The following TNNI3K variants were observed in gnomAD, a reference collection of about 807,000 sequenced individuals.
TNNI3K encodes serine/threonine-protein kinase TNNI3K.
A neutral mutation model predicts 114.5 loss-of-function variants in TNNI3K; 140 were observed. That is an observed-to-expected ratio of 1.22 (90% CI 1.07 to 1.41). The LOEUF (loss-of-function observed/expected upper bound fraction) is 1.41. TNNI3K is among the 40% of genes most tolerant of loss of function. The probability of loss-of-function intolerance (pLI) is 0.00; values close to 1 mark genes in which losing one functional copy is unlikely to be tolerated. For missense variants in TNNI3K, 1,125 were observed against 1,007.6 expected, an observed-to-expected ratio of 1.12 and a Z score of -1.58; for synonymous variants, 347 against 347.5, an observed-to-expected ratio of 1.00 and a Z score of 0.02.
chr1:74,287,340 G>T (rs1235728004), intron 5 of TNNI3K, among the ~76,000 whole-genome samples: 1 of 151,974 alleles, frequency 6.6e-6, no homozygotes, highest in East Asian at 1.9e-4. Context: ...GTTTGGAAAG[G>T]GAAATGAATA....
Position 74,353,083 on chromosome 1 carries a change from G to A in TNNI3K, c.933-183G>A, listed in dbSNP as rs1363002495. On this transcript the variant is annotated intron_variant, in intron 9 of 24. Transcript: ENST00000326637. ...TGTAGACTGGAGCTGTTCCTATTCG[G>A]CCATCTTGGCTCCACCCCTCTTAAG... is the stretch of plus-strand genomic sequence containing the variant. 3.3e-5 allele frequency among the ~76,000 whole-genome samples: 5 copies of A among 152,040 alleles called. No homozygotes were observed. The South Asian group carries it at 6.2e-4, about 19-fold the overall frequency.
At chr1:74,358,094 G>A (rs1661758015) in intron 11 of TNNI3K, among the ~76,000 whole-genome samples, 1 of 152,082 alleles carries the variant, frequency 6.6e-6, no homozygotes, top group Non-Finnish European at 1.5e-5. Context: ...GATTTGAAAA[G>A]GCTGCCTTTG....
intron 17 of TNNI3K, among the ~76,000 whole-genome samples, chr1:74,407,633 C>T (rs910276949): frequency 6.6e-6 from 1 of 152,052 alleles, no homozygotes; most frequent in African/African-American, 2.4e-5. Flanking sequence ...TTATATATTT[C>T]CTTCATTTTG....
At chr1:74,279,639 T>C (rs1656884733) in intron 5 of TNNI3K, among the ~76,000 whole-genome samples, 1 of 152,034 alleles carries the variant, frequency 6.6e-6, no homozygotes. Context: ...TTTCATTTGT[T>C]TTGCTTTACA....
chr1:74,444,455 C>T (rs746563636), intron 20 of TNNI3K, among the ~76,000 whole-genome samples: 23 of 151,562 alleles, frequency 1.5e-4, no homozygotes, highest in Admixed American at 9.2e-4. Context: ...GAAAAAAAAA[C>T]CTAGGAATAC....
chr1:74,304,712 T>A (rs1658522048), intron 5 of TNNI3K, among the ~76,000 whole-genome samples: 1 of 152,186 alleles, frequency 6.6e-6, no homozygotes, highest in Non-Finnish European at 1.5e-5. Flanking sequence ...CCCAAAATGC[T>A]GGGATCACAT....
chr1:74,379,496 AGTT>A (rs1191202397), intron 17 of TNNI3K, among the ~76,000 whole-genome samples: 3 of 152,090 alleles, frequency 2.0e-5, no homozygotes, highest in Non-Finnish European at 4.4e-5. Context: ...AGCTGCACTC[AGTT>A]GTTGGTGTCC....
intron 4 of TNNI3K, among the ~76,000 whole-genome samples, chr1:74,254,394 A>G (rs1226755906): frequency 6.6e-6 from 1 of 152,238 alleles, no homozygotes; most frequent in Non-Finnish European, 1.5e-5. Flanking sequence ...TTTCTTGTCC[A>G]GGATAGGATT....
chr1:74,448,256 A>G (rs1666796009), intron 20 of TNNI3K, among the ~76,000 whole-genome samples: 1 of 105,210 alleles, frequency 9.5e-6, no homozygotes, highest in Admixed American at 8.7e-5. Context: ...AACTTAGAGT[A>G]TAATAAAAAA....
chr1:74,353,047 A>C (rs572544814), intron 9 of TNNI3K, among the ~76,000 whole-genome samples: 5 of 152,150 alleles, frequency 3.3e-5, no homozygotes, highest in Non-Finnish European at 7.4e-5. Context: ...TGCATTGCTC[A>C]TGCTGGGAGC....
chr1:74,268,009 A>ATTT (rs1341765690), intron 4 of TNNI3K, among the ~76,000 whole-genome samples: 13 of 151,972 alleles, frequency 8.6e-5, no homozygotes, highest in Non-Finnish European at 1.8e-4. Context: ...TTGTCATAAA[A>ATTT]TAGACATTCA....
intron 21 of TNNI3K, among the ~76,000 whole-genome samples, chr1:74,486,201 A>AGAGAG (rs1668751420): frequency 7.3e-6 from 1 of 136,412 alleles, no homozygotes; most frequent in East Asian, 2.3e-4. Flanking sequence ...AAATGCTATA[A>AGAGAG]AGAGAGAGAG....
At chr1:74,387,452 A>T (rs1037031007) in intron 17 of TNNI3K, among the ~76,000 whole-genome samples, 2 of 152,238 alleles carry the variant, frequency 1.3e-5, no homozygotes, top group Admixed American at 6.5e-5. Context: ...TGCTTTGAAG[A>T]TTAAGCTTCA....
chr1:74,409,093 C>A (rs1664758402), intron 17 of TNNI3K, among the ~76,000 whole-genome samples: 1 of 151,924 alleles, frequency 6.6e-6, no homozygotes, highest in Non-Finnish European at 1.5e-5. Context: ...AAATACTTTT[C>A]TATTCATTAT....
chr1:74,498,850 T>C (rs1669466457), intron 23 of TNNI3K, among the ~76,000 whole-genome samples: 1 of 152,092 alleles, frequency 6.6e-6, no homozygotes, highest in African/African-American at 2.4e-5. Flanking sequence ...CCTGTGTGTT[T>C]TTTAAAAAAA....
intron 4 of TNNI3K, among the ~76,000 whole-genome samples, chr1:74,252,940 C>G (rs1325929516): frequency 6.6e-6 from 1 of 152,190 alleles, no homozygotes; most frequent in Non-Finnish European, 1.5e-5. Context: ...ATTCTCTTAT[C>G]TGGCCCCCAC....
chr1:74,351,640 A>G (rs1185308150), intron 9 of TNNI3K, among the ~76,000 whole-genome samples: 9 of 152,072 alleles, frequency 5.9e-5, no homozygotes, highest in African/African-American at 1.7e-4. Flanking sequence ...ACATAGTCCC[A>G]TATTTCTTGG....
chr1:74,334,425 C>T (rs996476249), intron 6 of TNNI3K, among the ~76,000 whole-genome samples: 12 of 152,094 alleles, frequency 7.9e-5, no homozygotes, highest in South Asian at 2.1e-4. Context: ...GTGGTCAAGA[C>T]AATTGAGAGG....
At chr1:74,459,280 G>A (rs1251702666) in intron 20 of TNNI3K, among the ~76,000 whole-genome samples, 3 of 152,214 alleles carry the variant, frequency 2.0e-5, no homozygotes, top group Non-Finnish European at 4.4e-5. Flanking sequence ...GCTAGGCACA[G>A]AAGATACAAT....
Sources: gnomAD v4.1 joint callset for allele counts (sites outside exome capture counted in the v4.1 genomes callset) on GRCh38, gnomAD v4.1.1 for gene constraint, MANE v1.5 for transcripts, NCBI Gene and HGNC (gene_info 2026-07-23, HGNC 2026-07-21) for gene names.